The following PARD3B variants were observed in gnomAD, a reference collection of about 807,000 sequenced individuals.
PARD3B encodes par-3 family cell polarity regulator beta.
A neutral mutation model predicts 130.2 loss-of-function variants in PARD3B; 103 were observed. The ratio of observed to expected loss-of-function variants is 0.79; its 90% CI spans 0.67 to 0.93. PARD3B has a LOEUF of 0.93. Ranked by LOEUF, PARD3B falls within the 40% of genes least tolerant of loss-of-function variation. The pLI is 0.00. For missense variants in PARD3B, 1,609 were observed against 1,499.2 expected (o/e 1.07, Z -1.21); for synonymous variants, 583 against 553.2 (o/e 1.05, Z -0.76).
chr2:204,864,548 C>A (rs1054669142), intron 2 of PARD3B, among the ~76,000 whole-genome samples: 1 of 152,126 alleles, frequency 6.6e-6, no homozygotes, highest in East Asian at 1.9e-4. Flanking sequence ...GCAAAGTCCC[C>A]CTATTCAAAG....
At chr2:205,206,694 T>C (rs1360432512) in intron 15 of PARD3B, among the ~76,000 whole-genome samples, 1 of 152,066 alleles carries the variant, frequency 6.6e-6, no homozygotes, top group Admixed American at 6.6e-5. Context: ...CATGTGTCTT[T>C]ATAGCAGCAT....
intron 10 of PARD3B, among the ~76,000 whole-genome samples, chr2:205,127,558 A>G (rs2031585269): frequency 6.6e-6 from 1 of 152,144 alleles, no homozygotes; most frequent in South Asian, 2.1e-4. Context: ...AAATATGTAA[A>G]GAGTTATTGT....
chr2:204,847,999 G>C (rs564751620), intron 2 of PARD3B, among the ~76,000 whole-genome samples: 1 of 152,038 alleles, frequency 6.6e-6, no homozygotes, highest in Non-Finnish European at 1.5e-5. Context: ...GATCACGTAG[G>C]TATTCTATCA....
chr2:204,976,311 A>G (rs1028861439), intron 3 of PARD3B, among the ~76,000 whole-genome samples: 2 of 152,188 alleles, frequency 1.3e-5, no homozygotes, highest in African/African-American at 4.8e-5. Context: ...TGGGTCAAAT[A>G]TGGCACTGCA....
intron 1 of PARD3B, among the ~76,000 whole-genome samples, chr2:204,660,664 A>C (rs1212356191): frequency 6.6e-6 from 1 of 152,058 alleles, no homozygotes; most frequent in African/African-American, 2.4e-5. Context: ...TCCCATACTA[A>C]ATTTTGATCC....
At chr2:204,843,432 C>T (rs1307406279) in intron 2 of PARD3B, among the ~76,000 whole-genome samples, 1 of 151,926 alleles carries the variant, frequency 6.6e-6, no homozygotes, top group African/African-American at 2.4e-5. Flanking sequence ...CTCCATTGCC[C>T]TGGCTGAGGT....
chr2:205,381,143 TAATA>T (rs2045418046), intron 18 of PARD3B, among the ~76,000 whole-genome samples: 1 of 64,840 alleles, frequency 1.5e-5, no homozygotes, highest in South Asian at 8.3e-4. Flanking sequence ...AAAGAATATA[TAATA>T]TATATAATAT....
intron 22 of PARD3B, among the ~76,000 whole-genome samples, chr2:205,613,099 G>C (rs1444834297): frequency 6.6e-6 from 1 of 152,212 alleles, no homozygotes; most frequent in Middle Eastern, 3.2e-3. Context: ...GAGAGAACAG[G>C]ACCCTAAAAG....
At chr2:204,561,982 C>G (rs906684283) in intron 1 of PARD3B, among the ~76,000 whole-genome samples, 2 of 152,076 alleles carry the variant, frequency 1.3e-5, no homozygotes, top group Non-Finnish European at 2.9e-5. Flanking sequence ...GGACCATTGT[C>G]CCTTGATGGT....
At chr2:204,633,854 G>A (rs1247592813) in intron 1 of PARD3B, among the ~76,000 whole-genome samples, 1 of 152,102 alleles carries the variant, frequency 6.6e-6, no homozygotes, top group African/African-American at 2.4e-5. Context: ...AAAGGTTTGT[G>A]GGTACATAGT....
At chr2:204,987,267 C>T in intron 3 of PARD3B, among the ~76,000 whole-genome samples, 1 of 151,982 alleles carries the variant, frequency 6.6e-6, no homozygotes, top group Non-Finnish European at 1.5e-5. Context: ...AAGATGTGGC[C>T]CTGGGGTGAC....
intron 2 of PARD3B, among the ~76,000 whole-genome samples, chr2:204,693,485 C>T (rs573112381): frequency 3.9e-5 from 6 of 152,096 alleles, no homozygotes; most frequent in African/African-American, 1.2e-4. Context: ...ATAAGTGGAA[C>T]TAAAAATAGT....
chr2:204,706,997 G>T (rs1000382018), intron 2 of PARD3B, among the ~76,000 whole-genome samples: 1 of 152,160 alleles, frequency 6.6e-6, no homozygotes, highest in Non-Finnish European at 1.5e-5. Context: ...AATTTGCATG[G>T]CCTGTTTTTG....
chr2:204,995,707 T>A (rs1042821169), intron 3 of PARD3B, among the ~76,000 whole-genome samples: 1 of 109,664 alleles, frequency 9.1e-6, no homozygotes, highest in African/African-American at 3.7e-5. Context: ...CCACATCACT[T>A]TCAGGTACAC....
intron 2 of PARD3B, among the ~76,000 whole-genome samples, chr2:204,703,849 GA>G (rs1423691573): frequency 2.6e-5 from 4 of 152,042 alleles, no homozygotes; most frequent in Non-Finnish European, 5.9e-5. Context: ...TAGTAAATTA[GA>G]TGCCACAATG....
intron 4 of PARD3B, among the ~76,000 whole-genome samples, chr2:205,062,108 A>G (rs1700097902): frequency 6.6e-6 from 1 of 151,996 alleles, no homozygotes; most frequent in Non-Finnish European, 1.5e-5. Context: ...CAGGGTGGAT[A>G]TCTTCTCATT....
intron 4 of PARD3B, among the ~76,000 whole-genome samples, chr2:205,065,256 CAAATT>C (rs1700296522): frequency 6.6e-6 from 1 of 152,060 alleles, no homozygotes; most frequent in Admixed American, 6.6e-5. Context: ...ATATATCTGA[CAAATT>C]AATAAACACT....
In PARD3B at chr2:205,302,801, C is replaced by G. The variant is rs186599270; in HGVS notation, c.2630+1100C>G. 5.5e-4 allele frequency among the ~76,000 whole-genome samples: 83 copies of G among 152,262 alleles called. No individual in the cohort carries two copies. The East Asian group carries it at 0.015, about 27-fold the overall frequency. ...GCCCAAGTCTGGATCCATGACTCCC[C>G]ACACATGAGCAATGGGGCTTCACAC... On this transcript the variant is annotated intron_variant, in intron 18 of 22. Coordinates refer to ENST00000406610, the MANE Select transcript of PARD3B (RefSeq NM_001302769.2).
At chr2:204,577,751 T>G (rs990166314) in intron 1 of PARD3B, among the ~76,000 whole-genome samples, 1 of 151,996 alleles carries the variant, frequency 6.6e-6, no homozygotes, top group Non-Finnish European at 1.5e-5. Flanking sequence ...TAAAAATTGT[T>G]TTTTTTTCTT....
Sources: allele counts gnomAD v4.1 joint callset (sites outside exome capture counted in the v4.1 genomes callset), GRCh38; gene constraint gnomAD v4.1.1; transcripts MANE v1.5; gene names NCBI Gene and HGNC (gene_info 2026-07-23, HGNC 2026-07-21).